Variants in CNTNAP2 observed in about 807,000 individuals in gnomAD.
CNTNAP2 encodes contactin-associated protein-like 2.
In CNTNAP2, 98 loss-of-function variants were observed where a neutral mutation model predicts 155.2. The observed-to-expected ratio is 0.63, with a 90% CI of 0.54 to 0.75. CNTNAP2 has a LOEUF of 0.75. Among genes scored for constraint, CNTNAP2 ranks in the 30% least tolerant of loss-of-function variants. The pLI is 0.00. For synonymous variants in CNTNAP2, 651 were observed against 631.2 expected (o/e 1.03, Z -0.47); for missense variants, 1,727 against 1,688.1 (o/e 1.02, Z -0.40).
rs567560824 is a variant in CNTNAP2 at position 147,713,352 on chromosome 7, A to G, written c.2098+74046A>G. ...ACCTCTCCCACCTGCAGCCACTGATAACCTGATCCATTTCCTGCCTCTATA... is the reference window on the plus strand; with the variant it reads ...ACCTCTCCCACCTGCAGCCACTGATGACCTGATCCATTTCCTGCCTCTATA... On this transcript the variant is annotated intron_variant, in intron 13 of 23. Transcript: ENST00000361727. 2.6e-5 allele frequency among the ~76,000 whole-genome samples: 4 copies of G among 152,272 alleles called. No individual in the cohort carries two copies. The East Asian group carries it at 7.7e-4, about 29-fold the overall frequency.
At chr7:146,699,441 A>G (rs1329616198) in intron 1 of CNTNAP2, among the ~76,000 whole-genome samples, 1 of 152,006 alleles carries the variant, frequency 6.6e-6, no homozygotes, top group Non-Finnish European at 1.5e-5. Flanking sequence ...GTGAGGGAGG[A>G]TAGGCATTCT....
At chr7:148,073,005 G>T (rs1803409894) in intron 15 of CNTNAP2, among the ~76,000 whole-genome samples, 1 of 152,114 alleles carries the variant, frequency 6.6e-6, no homozygotes, top group African/African-American at 2.4e-5. Context: ...ACCGTGCCTG[G>T]CCTGTCTTTT....
At chr7:147,755,006 A>G (rs1797194666) in intron 13 of CNTNAP2, among the ~76,000 whole-genome samples, 1 of 152,216 alleles carries the variant, frequency 6.6e-6, no homozygotes, top group Non-Finnish European at 1.5e-5. Flanking sequence ...GCCATTATCT[A>G]TTGATTTTTA....
At chr7:146,755,093 T>C (rs764414404) in intron 1 of CNTNAP2, among the ~76,000 whole-genome samples, 1 of 151,954 alleles carries the variant, frequency 6.6e-6, no homozygotes, top group Non-Finnish European at 1.5e-5. Context: ...ATGGGATTGA[T>C]TTTAGAATTT....
chr7:146,975,769 C>A (rs1360203867), intron 3 of CNTNAP2, among the ~76,000 whole-genome samples: 1 of 152,160 alleles, frequency 6.6e-6, no homozygotes, highest in Non-Finnish European at 1.5e-5. Flanking sequence ...GGGACATACA[C>A]CTTCCTAGGT....
intron 2 of CNTNAP2, among the ~76,000 whole-genome samples, chr7:146,808,871 C>T (rs978672783): frequency 3.3e-4 from 51 of 152,290 alleles, no homozygotes; most frequent in African/African-American, 1.1e-3. Context: ...TCACGAATGA[C>T]AGAATTTCCT....
At chr7:147,640,728 A>G (rs1795257524) in intron 13 of CNTNAP2, among the ~76,000 whole-genome samples, 1 of 151,674 alleles carries the variant, frequency 6.6e-6, no homozygotes, top group Non-Finnish European at 1.5e-5. Flanking sequence ...AGAGTTTAAC[A>G]GGCAAGAAAG....
At chr7:146,447,667 G>T (rs899208528) in intron 1 of CNTNAP2, among the ~76,000 whole-genome samples, 1 of 151,846 alleles carries the variant, frequency 6.6e-6, no homozygotes, top group Non-Finnish European at 1.5e-5. Flanking sequence ...ATAAATTCAG[G>T]TTTAACAATT....
At chr7:147,379,948 A>G (rs1173857234) in intron 9 of CNTNAP2, among the ~76,000 whole-genome samples, 1 of 151,902 alleles carries the variant, frequency 6.6e-6, no homozygotes, top group Non-Finnish European at 1.5e-5. Context: ...AGCTTCTCCT[A>G]TTTTACTGGA....
chr7:146,294,919 C>T (rs1332907022), intron 1 of CNTNAP2, among the ~76,000 whole-genome samples: 5 of 152,066 alleles, frequency 3.3e-5, no homozygotes, highest in Non-Finnish European at 7.4e-5. Flanking sequence ...CTGAAACTTC[C>T]ATTAGAGATT....
rs117140866 is a variant in CNTNAP2, at chr7:147,105,848, C to T, written c.551-2299C>T. The stretch of plus-strand genomic sequence containing the variant: ...ACAGAGAATTTTGTTTCCCAGCTGA[C>T]CCTGACAACTTACCATTTGTAAAGT... On this transcript the variant is annotated intron_variant, in intron 4 of 23. Transcript: ENST00000361727. Among the ~76,000 whole-genome samples, 12 of 152,046 alleles carry T rather than the reference C, an allele frequency of 7.9e-5. No homozygotes were observed. In the East Asian group the frequency reaches 1.7e-3, roughly 22 times the overall value.
intron 13 of CNTNAP2, among the ~76,000 whole-genome samples, chr7:147,770,848 T>C (rs894522924): frequency 6.6e-6 from 1 of 152,120 alleles, no homozygotes; most frequent in African/African-American, 2.4e-5. Flanking sequence ...TGAAAATAAA[T>C]AAGCTGGTTC....
intron 5 of CNTNAP2, among the ~76,000 whole-genome samples, chr7:147,115,436 G>A (rs568746576): frequency 4.5e-4 from 69 of 152,014 alleles, no homozygotes; most frequent in Middle Eastern, 3.4e-3. Flanking sequence ...CCATTCTCCC[G>A]GTCTCTCCCA....
intron 11 of CNTNAP2, among the ~76,000 whole-genome samples, chr7:147,547,161 C>G (rs957437634): frequency 3.9e-5 from 6 of 152,168 alleles, no homozygotes; most frequent in Non-Finnish European, 8.8e-5. Flanking sequence ...ATAAAGTCAT[C>G]TTCAATCTCT....
chr7:147,167,534 G>A lies in CNTNAP2; in HGVS notation c.1348+35025G>A, dbSNP rs1372109141. On this transcript the variant is annotated intron_variant, in intron 8 of 23. Coordinates refer to ENST00000361727, the MANE Select transcript of CNTNAP2 (RefSeq NM_014141.6). ...CAGAGCATTATAAGCATGACTTAGA[G>A]GTTCTTCAGACAACTGCTCTCCCAG... 9 of 815,242 alleles carry A rather than the reference G, an allele frequency of 1.1e-5. No homozygotes were observed. The Admixed American group carries it at 1.5e-4, about 14-fold the overall frequency. 50.5% of individuals were successfully genotyped at this position (815,242 alleles called of 1,614,324 possible). A position where few individuals can be genotyped will look rare whatever the true frequency, so the allele number is the denominator to read the frequency against.
At chr7:147,904,035 G>T (rs190539093) in intron 14 of CNTNAP2, among the ~76,000 whole-genome samples, 1 of 152,168 alleles carries the variant, frequency 6.6e-6, no homozygotes, top group Admixed American at 6.5e-5. Flanking sequence ...AACAATAGAG[G>T]GATGGCTGGG....
chr7:147,149,140 TCCATTTTATAGAGTGCTGATTGGC>T lies in CNTNAP2; in HGVS notation c.1348+16641_1348+16664del, dbSNP rs1801775473. Among the ~76,000 whole-genome samples, 5 of 152,314 alleles carry T rather than the reference TCCATTTTATAGAGTGCTGATTGGC, an allele frequency of 3.3e-5. No homozygotes were observed. The South Asian group carries it at 1.0e-3, about 32-fold the overall frequency. The stretch of plus-strand genomic sequence containing the variant: ...GTCCATTTTACAGAGAGCTGATTGG[TCCATTTTATAGAGTGCTGATTGGC>T]CCATTTTATGGAGTGCTGATTGGTG... On this transcript the variant is annotated intron_variant, in intron 8 of 23. Coordinates refer to ENST00000361727, the MANE Select transcript of CNTNAP2 (RefSeq NM_014141.6).
intron 12 of CNTNAP2, among the ~76,000 whole-genome samples, chr7:147,629,985 A>G (rs866574630): frequency 6.6e-6 from 1 of 152,114 alleles, no homozygotes; most frequent in Non-Finnish European, 1.5e-5. Flanking sequence ...TCAGAACAGA[A>G]CTAAATGAAA....
At chr7:147,494,492 T>A (rs112153733) in intron 11 of CNTNAP2, among the ~76,000 whole-genome samples, 1 of 119,108 alleles carries the variant, frequency 8.4e-6, no homozygotes, top group Admixed American at 8.7e-5. Context: ...AAAAAGTTGA[T>A]CTGCAAATGC....
Sources: gnomAD v4.1 joint callset for allele counts (sites outside exome capture counted in the v4.1 genomes callset) on GRCh38, gnomAD v4.1.1 for gene constraint, MANE v1.5 for transcripts, NCBI Gene and HGNC (gene_info 2026-07-23, HGNC 2026-07-21) for gene names.